The following SPHKAP variants were observed in gnomAD, a reference collection of about 807,000 sequenced individuals.
SPHKAP encodes SPHK1 interactor, AKAP domain containing.
In SPHKAP, 67 loss-of-function variants were observed where a neutral mutation model predicts 137.5. The observed-to-expected ratio is 0.49, with a 90% CI of 0.40 to 0.60. The LOEUF is 0.60. Among genes scored for constraint, SPHKAP ranks in the 20% least tolerant of loss-of-function variants. SPHKAP has a pLI of 0.00. For missense variants in SPHKAP, 2,097 were observed against 2,069.3 expected, an observed-to-expected ratio of 1.01 and a Z score of -0.26; for synonymous variants, 813 against 785.3, an observed-to-expected ratio of 1.04 and a Z score of -0.59.
At chr2:228,129,872 C>T (rs969368667) in intron 2 of SPHKAP, among the ~76,000 whole-genome samples, 5 of 150,600 alleles carry the variant, frequency 3.3e-5, no homozygotes, top group Non-Finnish European at 7.4e-5. Context: ...TCTTGGCTCA[C>T]TGCAACCTCC....
At chr2:228,021,263 A>G (rs1329832574) in intron 6 of SPHKAP, among the ~76,000 whole-genome samples, 1 of 152,184 alleles carries the variant, frequency 6.6e-6, no homozygotes, top group Admixed American at 6.5e-5. Flanking sequence ...TAGACAAACA[A>G]ACTAGGCTAG....
intron 1 of SPHKAP, among the ~76,000 whole-genome samples, chr2:228,142,987 G>A (rs1416857667): frequency 7.9e-5 from 12 of 151,968 alleles, no homozygotes; most frequent in East Asian, 7.7e-4. Context: ...TGCTTTCCAC[G>A]AGGAATCTAT....
At position 228,018,870 on chromosome 2, in the gene SPHKAP, C is replaced by T. The variant is rs1694718880; in HGVS notation, c.1984G>A (p.Val662Ile). 1.2e-6 allele frequency: 2 copies of T among 1,614,080 alleles called. No individual in the cohort carries two copies. The highest frequency in any genetic ancestry group is 1.1e-5 in the South Asian group (1 of 91,086). Residue 662 changes from valine (V) to isoleucine (I), a missense_variant, in exon 7 of 12, where the codon GTC (valine) becomes ATC (isoleucine). Val to Ile is a conservative substitution (Grantham distance 29). Coordinates refer to ENST00000392056, the MANE Select transcript of SPHKAP (RefSeq NM_001142644.2). ...GTATGTGCCAGTTCATTCCTGACGA[C>T]ATTTTCTGAGCACAGGGTCTGAGAC... is the stretch of plus-strand genomic sequence containing the variant. ...SKSQTLCSEN[V>I]VRNELAHTLS...
Position 228,018,270 on chromosome 2 carries a change from A to T in SPHKAP, c.2584T>A (p.Ser862Thr), listed in dbSNP as rs763474466. ...ECRASSEGQR[S>T]PTVSQSRSGS... The stretch of plus-strand genomic sequence containing the variant: ...CTTCTGGACTGGCTGACCGTTGGGG[A>T]CCTTTGTCCTTCGGAAGAGGCTCTG... Residue 862 changes from serine (S) to threonine (T), a missense_variant, in exon 7 of 12, where the codon TCC becomes ACC. Transcript: ENST00000392056. 1 of 1,614,030 alleles carries T rather than the reference A, an allele frequency of 6.2e-7. No homozygotes were observed.
intron 3 of SPHKAP, among the ~76,000 whole-genome samples, chr2:228,041,192 T>C (rs866634095): frequency 2.0e-5 from 3 of 152,214 alleles, no homozygotes; most frequent in African/African-American, 7.2e-5. Flanking sequence ...CTGTTTTCCA[T>C]CAATCAGCAA....
chr2:228,044,632 A>G (rs1695965952), intron 3 of SPHKAP, among the ~76,000 whole-genome samples: 1 of 152,234 alleles, frequency 6.6e-6, no homozygotes, highest in Non-Finnish European at 1.5e-5. Flanking sequence ...GAATTCTGCA[A>G]ACTATAGTTG....
At chr2:228,080,757 T>G (rs1359749592) in intron 3 of SPHKAP, among the ~76,000 whole-genome samples, 10 of 34,872 alleles carry the variant, frequency 2.9e-4, no homozygotes, top group African/African-American at 1.1e-3. Flanking sequence ...TAAAATAAAA[T>G]AAAATAAAAT....
intron 3 of SPHKAP, among the ~76,000 whole-genome samples, chr2:228,077,076 G>A (rs1697210104): frequency 6.6e-6 from 1 of 152,216 alleles, no homozygotes; most frequent in Non-Finnish European, 1.5e-5. Context: ...AGCCTTGGCA[G>A]CTTCCACATG....
intron 7 of SPHKAP, among the ~76,000 whole-genome samples, chr2:228,011,194 C>G (rs1454180561): frequency 6.6e-6 from 1 of 150,470 alleles, no homozygotes; most frequent in Non-Finnish European, 1.5e-5. Context: ...GGATTGTTTT[C>G]TCCTCGTATC....
chr2:227,991,623 C>T (rs778492506), intron 9 of SPHKAP: 23 of 985,258 alleles, frequency 2.3e-5, no homozygotes, highest in Non-Finnish European at 2.7e-5. Context: ...AACCTCCTTA[C>T]CATAAACTTT....
intron 7 of SPHKAP, among the ~76,000 whole-genome samples, chr2:228,007,762 C>A (rs1694196933): frequency 2.0e-5 from 3 of 152,104 alleles, no homozygotes; most frequent in African/African-American, 7.2e-5. Context: ...ACCCACATAT[C>A]TATGATCAAC....
At chr2:228,071,524 T>A (rs1221492834) in intron 3 of SPHKAP, among the ~76,000 whole-genome samples, 1 of 152,236 alleles carries the variant, frequency 6.6e-6, no homozygotes, top group Non-Finnish European at 1.5e-5. Context: ...AGTTGTCATA[T>A]AATGACTTCA....
At chr2:228,109,072 G>A (rs986102373) in intron 2 of SPHKAP, 133 bp from the exon 3 acceptor site, 1 of 596,918 alleles carries the variant, frequency 1.7e-6, no homozygotes, top group Non-Finnish European at 2.7e-6. Flanking sequence ...CTGGGTGTTA[G>A]AAAAAAACTT....
intron 7 of SPHKAP, among the ~76,000 whole-genome samples, chr2:227,997,588 C>T (rs2106171672): frequency 6.6e-6 from 1 of 152,150 alleles, no homozygotes; most frequent in Non-Finnish European, 1.5e-5. Context: ...TGTTAAGAAT[C>T]ACGTCTAATA....
intron 3 of SPHKAP, among the ~76,000 whole-genome samples, chr2:228,093,950 G>A (rs1697901589): frequency 6.6e-6 from 1 of 151,490 alleles, no homozygotes; most frequent in African/African-American, 2.4e-5. Flanking sequence ...GGTATGCCTG[G>A]GAAGTGATGA....
intron 9 of SPHKAP, among the ~76,000 whole-genome samples, chr2:227,992,199 G>A (rs1236729542): frequency 2.6e-5 from 4 of 152,220 alleles, no homozygotes; most frequent in Admixed American, 1.3e-4. Flanking sequence ...GTTGTTTGAC[G>A]ATAGATGATT....
intron 3 of SPHKAP, among the ~76,000 whole-genome samples, chr2:228,046,880 T>C (rs951904578): frequency 1.3e-5 from 2 of 152,162 alleles, no homozygotes; most frequent in African/African-American, 4.8e-5. Flanking sequence ...CAGCTGAGCA[T>C]TGAAGTTTAT....
chr2:227,990,973 T>C, intron 11 of SPHKAP, 27 bp downstream of exon 11: 1 of 1,607,908 alleles, frequency 6.2e-7, no homozygotes, highest in Non-Finnish European at 8.5e-7. Context: ...CAAAGCTTTC[T>C]TGTTTTCCAA....
intron 1 of SPHKAP, among the ~76,000 whole-genome samples, chr2:228,150,557 C>T (rs1209089253): frequency 6.6e-6 from 1 of 151,978 alleles, no homozygotes; most frequent in Non-Finnish European, 1.5e-5. Context: ...TATGTATCAA[C>T]ATAACATTTT....
Sources: allele counts gnomAD v4.1 joint callset (sites outside exome capture counted in the v4.1 genomes callset), GRCh38; gene constraint gnomAD v4.1.1; transcripts MANE v1.5; gene names NCBI Gene and HGNC (gene_info 2026-07-23, HGNC 2026-07-21).